Variants in CEP162 observed in about 807,000 individuals in gnomAD.
The protein encoded by CEP162 is centrosomal protein of 162 kDa.
Under a neutral mutation model 169.2 loss-of-function variants are expected in CEP162, and 141 were observed. That is an observed-to-expected ratio of 0.83 (90% CI 0.73 to 0.96). The LOEUF is 0.96. Among genes scored for constraint, CEP162 ranks in the 40% least tolerant of loss-of-function variants. CEP162 has a pLI of 0.00. For synonymous variants in CEP162, 540 were observed against 526.4 expected, an observed-to-expected ratio of 1.03 and a Z score of -0.35; for missense variants, 1,600 against 1,587.2, an observed-to-expected ratio of 1.01 and a Z score of -0.14.
At chr6:84,166,826 T>C (rs1328013423) in intron 18 of CEP162, among the ~76,000 whole-genome samples, 2 of 152,202 alleles carry the variant, frequency 1.3e-5, no homozygotes, top group African/African-American at 4.8e-5. Flanking sequence ...ATACTTGACA[T>C]GATTATTTTG....
intron 13 of CEP162, among the ~76,000 whole-genome samples, chr6:84,179,818 C>G (rs190431679): frequency 8.3e-4 from 127 of 152,176 alleles, no homozygotes; most frequent in African/African-American, 2.7e-3. Flanking sequence ...CTGAATAGAC[C>G]ACTAACAGGC....
chr6:84,222,727 G>T (rs1291873874), intron 2 of CEP162, among the ~76,000 whole-genome samples: 1 of 152,178 alleles, frequency 6.6e-6, no homozygotes, highest in African/African-American at 2.4e-5. Context: ...ATTGTTATCT[G>T]AGTGACCTTT....
intron 25 of CEP162, among the ~76,000 whole-genome samples, chr6:84,139,968 T>TCACCAGACTGGTGTGTTCACG (rs1562004199): frequency 1.3e-5 from 2 of 152,228 alleles, no homozygotes; most frequent in African/African-American, 4.8e-5. Flanking sequence ...GACTGGTGTC[T>TCACCAGACTGGTGTGTTCACG]GTTTAGACAA....
Position 84,204,189 on chromosome 6 carries a change from G to A in CEP162, c.572-93C>T, listed in dbSNP as rs2099545808. 1.9e-5 allele frequency: 13 copies of A among 675,444 alleles called. No homozygotes were observed. The South Asian group carries it at 2.7e-4, about 14-fold the overall frequency. The allele number at this position is 675,444 out of a possible 1,614,324, so 41.8% of individuals were successfully genotyped here. A position where few individuals can be genotyped will look rare whatever the true frequency, so the allele number is the denominator to read the frequency against. On this transcript the variant is annotated intron_variant, in intron 6 of 26. Coordinates refer to ENST00000403245, the MANE Select transcript of CEP162 (RefSeq NM_014895.4). ...TGTTGATTTCGAAAGGAAGAAGTCT[G>A]TATAAGAATAGTTTATTGAAATAGT...
chr6:84,208,485 T>G (rs74696837), intron 6 of CEP162, among the ~76,000 whole-genome samples: 1 of 152,158 alleles, frequency 6.6e-6, no homozygotes, highest in African/African-American at 2.4e-5. Context: ...GGAATGGCTG[T>G]TTTTTACTCT....
rs2099523219 is a variant in CEP162 at position 84,156,497 on chromosome 6, C to T, written c.2782-987G>A. 2.0e-5 allele frequency among the ~76,000 whole-genome samples: 3 copies of T among 152,020 alleles called. 1 individual carries two copies. The South Asian group carries it at 6.3e-4, about 32-fold the overall frequency. ...AACCTCACTAATCACCAAATAAATG[C>T]AAATTAAAACCACAATGAGGTACCA... On this transcript the variant is annotated intron_variant, in intron 21 of 26. Coordinates refer to ENST00000403245, the MANE Select transcript of CEP162 (RefSeq NM_014895.4).
At chr6:84,222,540 CACTT>C (rs2099554119) in intron 2 of CEP162, among the ~76,000 whole-genome samples, 1 of 152,234 alleles carries the variant, frequency 6.6e-6, no homozygotes, top group Admixed American at 6.5e-5. Context: ...CAGGTTAACT[CACTT>C]AATCTTTAAA....
At chr6:84,197,765 G>A (rs927387687) in intron 9 of CEP162, among the ~76,000 whole-genome samples, 9 of 151,064 alleles carry the variant, frequency 6.0e-5, no homozygotes, top group Admixed American at 2.0e-4. Context: ...TGCAGTGAGC[G>A]GAGATCATGC....
At chr6:84,177,529 T>G (rs1269535072) in intron 13 of CEP162, among the ~76,000 whole-genome samples, 1 of 152,138 alleles carries the variant, frequency 6.6e-6, no homozygotes, top group Non-Finnish European at 1.5e-5. Context: ...AAAAGCATGC[T>G]GAATAATCTT....
chr6:84,215,966 A>G, intron 3 of CEP162, 44 bp from the exon 4 acceptor site: 1 of 1,478,384 alleles, frequency 6.8e-7, no homozygotes, highest in Non-Finnish European at 8.9e-7. Flanking sequence ...TGTTCAAAGA[A>G]TTGTTTTGGC....
chr6:84,199,405 A>G (rs1222313815), intron 9 of CEP162, among the ~76,000 whole-genome samples: 1 of 152,134 alleles, frequency 6.6e-6, no homozygotes, highest in Non-Finnish European at 1.5e-5. Context: ...GAAATAAGAG[A>G]TGTGATGGAC....
At chr6:84,162,738 G>A (rs1423892660) in intron 19 of CEP162, among the ~76,000 whole-genome samples, 6 of 152,070 alleles carry the variant, frequency 3.9e-5, no homozygotes, top group Non-Finnish European at 7.4e-5. Flanking sequence ...TTCGTAGTAG[G>A]GACCATGCCA....
chr6:84,195,009 TG>T lies in CEP162; in HGVS notation c.901del (p.His301IlefsTer23). The T allele has an allele frequency of 6.8e-6, 11 of 1,612,328 alleles. No individual in the cohort carries two copies. The highest frequency in any genetic ancestry group is 9.3e-6 in the Non-Finnish European group (11 of 1,178,944). ...TTGTTTGTCTTCATCTCCCAATGAA[TG>T]GGCTATATGACAATAAGCTTGATGT... Reference protein sequence around the residue: ...ALHQAYCHIAHSLGDEDKQKI... With the variant: ...ALHQAYCHIAXSLGDEDKQKI... On this transcript the variant is annotated frameshift_variant, in exon 10 of 27. Coordinates refer to ENST00000403245, the MANE Select transcript of CEP162 (RefSeq NM_014895.4). LOFTEE classifies it high-confidence loss of function.
At chr6:84,193,516 G>T (rs2099540773) in intron 11 of CEP162, 93 bp downstream of exon 11, 1 of 678,324 alleles carries the variant, frequency 1.5e-6, no homozygotes, top group Non-Finnish European at 2.5e-6. Flanking sequence ...AGTCAAGCTA[G>T]TATTAGTCAT....
At chr6:84,173,005 A>G (rs1182864133) in intron 16 of CEP162, among the ~76,000 whole-genome samples, 1 of 152,136 alleles carries the variant, frequency 6.6e-6, no homozygotes, top group African/African-American at 2.4e-5. Flanking sequence ...CCTCTATAGG[A>G]CCCAAAGATT....
chr6:84,224,374 A>G (rs1199960858), intron 2 of CEP162, among the ~76,000 whole-genome samples: 1 of 152,144 alleles, frequency 6.6e-6, no homozygotes, highest in East Asian at 1.9e-4. Flanking sequence ...GTAGTTGCCT[A>G]AGGCTAGGGA....
intron 13 of CEP162, among the ~76,000 whole-genome samples, chr6:84,178,810 T>TC (rs2099533472): frequency 6.6e-6 from 1 of 152,014 alleles, no homozygotes; most frequent in Non-Finnish European, 1.5e-5. Context: ...ACCTCCCCGC[T>TC]CCCCCCAACC....
chr6:84,157,400 G>A (rs1189062943), intron 21 of CEP162, among the ~76,000 whole-genome samples: 3 of 152,082 alleles, frequency 2.0e-5, no homozygotes, highest in African/African-American at 4.8e-5. Context: ...GGCTGGGTGC[G>A]ATGGCTCATG....
In CEP162 at chr6:84,215,745, T is replaced by C. The variant is rs777811273; in HGVS notation, c.319+31A>G. The stretch of plus-strand genomic sequence containing the variant: ...TGAATATAAGCATAACAATTAATAA[T>C]TTACCAACTCATATCCCTTGCATTT... On this transcript the variant is annotated intron_variant, in intron 4 of 26. Coordinates refer to ENST00000403245, the MANE Select transcript of CEP162 (RefSeq NM_014895.4). The C allele has an allele frequency of 3.3e-5, 51 of 1,552,482 alleles. No homozygotes were observed. Among genetic ancestry groups the C allele is most frequent in the Non-Finnish European group, 4.4e-5 (50 of 1,148,518 alleles).
Sources: gnomAD v4.1 joint callset for allele counts (sites outside exome capture counted in the v4.1 genomes callset) on GRCh38, gnomAD v4.1.1 for gene constraint, MANE v1.5 for transcripts, NCBI Gene and HGNC (gene_info 2026-07-23, HGNC 2026-07-21) for gene names.